GALNT13: variants seen among roughly 807,000 people sequenced by gnomAD.
GALNT13 encodes UDP-GalNAc:polypeptide N-acetylgalactosaminyltransferase 13.
A neutral mutation model predicts 64.2 loss-of-function variants in GALNT13; 28 were observed. The observed-to-expected ratio is 0.44, with a 90% CI of 0.32 to 0.60. The LOEUF (loss-of-function observed/expected upper bound fraction) is 0.60. Among genes scored for constraint, GALNT13 ranks in the 20% least tolerant of loss-of-function variants. The pLI is 0.05. For missense variants in GALNT13, 577 were observed against 669.8 expected (o/e 0.86, Z 1.53); for synonymous variants, 214 against 224.6 (o/e 0.95, Z 0.42).
the GALNT13 span, among the ~76,000 whole-genome samples, chr2:153,275,381 A>G: frequency 6.6e-6 from 1 of 152,188 alleles, no homozygotes; most frequent in Admixed American, 6.5e-5. Flanking sequence ...TGATTAGGCA[A>G]TGAGAGCTAC....
At chr2:153,556,306 C>T in the GALNT13 span, among the ~76,000 whole-genome samples, 1 of 152,082 alleles carries the variant, frequency 6.6e-6, no homozygotes, top group African/African-American at 2.4e-5. Context: ...TTTTGTGTAT[C>T]ATTTATGTGT....
intron 3 of GALNT13, among the ~76,000 whole-genome samples, chr2:154,083,632 C>T (rs932373565): frequency 6.6e-6 from 1 of 151,788 alleles, no homozygotes; most frequent in African/African-American, 2.4e-5. Flanking sequence ...CTTCACATCC[C>T]TTGTAAGGTG....
chr2:154,441,231 G>A (rs1403606409), intron 12 of GALNT13, among the ~76,000 whole-genome samples: 4 of 152,094 alleles, frequency 2.6e-5, no homozygotes, highest in African/African-American at 9.7e-5. Flanking sequence ...TTGGAAAATG[G>A]CAAGGCCTCC....
chr2:154,348,492 C>T (rs1442537781), intron 9 of GALNT13, among the ~76,000 whole-genome samples: 1 of 151,878 alleles, frequency 6.6e-6, no homozygotes, highest in Admixed American at 6.6e-5. Flanking sequence ...AAGAAACACC[C>T]ACACAGTCAC....
chr2:153,312,218 A>T, the GALNT13 span, among the ~76,000 whole-genome samples: 1 of 152,128 alleles, frequency 6.6e-6, no homozygotes, highest in African/African-American at 2.4e-5. Context: ...GTCCTGATGG[A>T]TTTGTCCTGC....
At chr2:153,716,798 A>G in the GALNT13 span, among the ~76,000 whole-genome samples, 1 of 152,164 alleles carries the variant, frequency 6.6e-6, no homozygotes, top group Non-Finnish European at 1.5e-5. Context: ...ATCCCATACA[A>G]AGTAAACTAA....
the GALNT13 span, among the ~76,000 whole-genome samples, chr2:153,426,104 G>T: frequency 6.6e-6 from 1 of 151,702 alleles, no homozygotes; most frequent in African/African-American, 2.4e-5. Context: ...AAATAATTTG[G>T]CCATTACATT....
chr2:154,199,389 A>T (rs1474934625), intron 4 of GALNT13, among the ~76,000 whole-genome samples: 2 of 152,016 alleles, frequency 1.3e-5, no homozygotes, highest in African/African-American at 2.4e-5. Flanking sequence ...ATATAATTCA[A>T]TCTTGATGTT....
chr2:153,633,428 T>C, the GALNT13 span, among the ~76,000 whole-genome samples: 1 of 152,172 alleles, frequency 6.6e-6, no homozygotes, highest in African/African-American at 2.4e-5. Flanking sequence ...TTGTAGATGA[T>C]AATAAACTTG....
At chr2:153,278,060 G>A in the GALNT13 span, among the ~76,000 whole-genome samples, 2 of 150,768 alleles carry the variant, frequency 1.3e-5, no homozygotes, top group East Asian at 2.0e-4. Flanking sequence ...CCAAGTAGCT[G>A]AGACTACAGG....
At chr2:154,104,007 T>C (rs1045226461) in intron 3 of GALNT13, among the ~76,000 whole-genome samples, 1 of 152,064 alleles carries the variant, frequency 6.6e-6, no homozygotes. Context: ...TGACCCCTGA[T>C]TGGAGTAGAG....
intron 3 of GALNT13, among the ~76,000 whole-genome samples, chr2:154,078,690 T>C (rs547928670): frequency 4.0e-5 from 6 of 151,768 alleles, no homozygotes; most frequent in Non-Finnish European, 7.4e-5. Context: ...TTCCTTTTTT[T>C]CTATCTTTCT....
intron 4 of GALNT13, among the ~76,000 whole-genome samples, chr2:154,241,423 T>C (rs1225298491): frequency 6.6e-6 from 1 of 152,182 alleles, no homozygotes; most frequent in African/African-American, 2.4e-5. Context: ...GTTTGAGAAA[T>C]GCTGGTAGTC....
At chr2:153,841,606 C>G in the GALNT13 span, among the ~76,000 whole-genome samples, 44 of 152,224 alleles carry the variant, frequency 2.9e-4, no homozygotes, top group African/African-American at 1.1e-3. Flanking sequence ...GAGCACATGT[C>G]TATCTCATCC....
chr2:153,719,292 C>A, the GALNT13 span, among the ~76,000 whole-genome samples: 1 of 152,130 alleles, frequency 6.6e-6, no homozygotes, highest in African/African-American at 2.4e-5. Flanking sequence ...TATCTATAGT[C>A]CCCTCTAACT....
At chr2:153,818,903 T>G in the GALNT13 span, among the ~76,000 whole-genome samples, 2 of 152,078 alleles carry the variant, frequency 1.3e-5, no homozygotes, top group African/African-American at 4.8e-5. Context: ...TAACCCTGCT[T>G]GAAAGTTCAG....
chr2:154,198,460 A>G (rs1001975392), intron 4 of GALNT13, among the ~76,000 whole-genome samples: 1 of 152,046 alleles, frequency 6.6e-6, no homozygotes, highest in African/African-American at 2.4e-5. Context: ...ATTCAGTGGC[A>G]TTAGGTACAT....
intron 4 of GALNT13, among the ~76,000 whole-genome samples, chr2:154,230,371 A>C (rs774400901): frequency 3.9e-5 from 6 of 152,166 alleles, no homozygotes; most frequent in Non-Finnish European, 7.4e-5. Flanking sequence ...TTCCAATAGC[A>C]TGAAAGAATT....
chr2:153,206,386 T>A, the GALNT13 span, among the ~76,000 whole-genome samples: 1 of 152,106 alleles, frequency 6.6e-6, no homozygotes, highest in Non-Finnish European at 1.5e-5. Context: ...GTGGGCATTG[T>A]AATAACCAGC....
Sources: gnomAD v4.1 joint callset for allele counts (sites outside exome capture counted in the v4.1 genomes callset) on GRCh38, gnomAD v4.1.1 for gene constraint, MANE v1.5 for transcripts, NCBI Gene and HGNC (gene_info 2026-07-23, HGNC 2026-07-21) for gene names.